FAM241A: variants seen among roughly 807,000 people sequenced by gnomAD.
FAM241A encodes the protein family with sequence similarity 241 member A.
Under a neutral mutation model 12.2 loss-of-function variants are expected in FAM241A, and 7 were observed. The observed-to-expected ratio is 0.58, with a 90% confidence interval of 0.33 to 1.08. The LOEUF (loss-of-function observed/expected upper bound fraction) is 1.08. Among genes scored for constraint, FAM241A ranks in the 50% least tolerant of loss-of-function variants. The pLI, the probability that FAM241A is intolerant of heterozygous loss-of-function variation, is 0.04. For synonymous variants in FAM241A, 74 were observed against 68.2 expected (o/e 1.08, Z -0.42); for missense variants, 161 against 169.7 (o/e 0.95, Z 0.29).
intron 1 of FAM241A, among the ~76,000 whole-genome samples, chr4:112,166,372 T>G (rs1360042130): frequency 6.6e-6 from 1 of 152,140 alleles, no homozygotes; most frequent in Non-Finnish European, 1.5e-5. Flanking sequence ...TAAAAGTACA[T>G]TTCTTAATGA....
chr4:112,192,422 T>G lies in FAM241A; in HGVS notation c.*5484T>G, dbSNP rs1578383230. ...CAGGTTAGTTACATATGTATACATG[T>G]GCCATGCTAGTGTGCTGCACCCATT... On this transcript the variant is annotated 3_prime_UTR_variant, in exon 2 of 2. Coordinates refer to ENST00000309733, the MANE Select transcript of FAM241A (RefSeq NM_152400.3). 1 of 152,044 alleles carries G rather than the reference T, an allele frequency of 6.6e-6. No homozygotes were observed. Among genetic ancestry groups the G allele is most frequent in the Non-Finnish European group, 1.5e-5 (1 of 68,014 alleles). 9.4% of individuals were successfully genotyped at this position (152,044 alleles called of 1,614,324 possible). A position where few individuals can be genotyped will look rare whatever the true frequency, so the allele number is the denominator to read the frequency against.
Position 112,186,786 on chromosome 4 carries a change from AT to A in FAM241A, c.248del (p.Ile83ThrfsTer14), listed in dbSNP as rs774334194. The A allele has an allele frequency of 1.1e-4, 178 of 1,614,008 alleles. No homozygotes were observed. The highest frequency in any genetic ancestry group is 1.5e-4 in the Non-Finnish European group (177 of 1,179,990). On this transcript the variant is annotated frameshift_variant, in exon 2 of 2. Transcript: ENST00000309733. LOFTEE classifies it high-confidence loss of function. ...TTTTGGTGAACTGAACAAAAACCTT[AT>A]CAACATGGGCTTCACAAGGATGTAT... Reference protein sequence around the residue: ...TLFGELNKNLINMGFTRMYFG... With the variant: ...TLFGELNKNLXNMGFTRMYFG...
rs888220240 is a variant in FAM241A at position 112,164,928 on chromosome 4, C to T, written c.153+19195C>T. Among the ~76,000 whole-genome samples, 19 of 152,140 alleles carry T rather than the reference C, an allele frequency of 1.2e-4. No homozygotes were observed. In the East Asian group the frequency reaches 2.5e-3, roughly 20 times the overall value. Reference sequence around the variant, plus strand: ...GAGTTTGAGACCAGCCTGGGCAATACGGTGAAACCCCATCTCTCCAAAAAA... The same window carrying T: ...GAGTTTGAGACCAGCCTGGGCAATATGGTGAAACCCCATCTCTCCAAAAAA... On this transcript the variant is annotated intron_variant, in intron 1 of 1. Coordinates refer to ENST00000309733, the MANE Select transcript of FAM241A (RefSeq NM_152400.3).
chr4:112,145,741 C>CG lies in FAM241A; in HGVS notation c.153+12dup. 1 of 1,018,380 alleles carries CG rather than the reference C, an allele frequency of 9.8e-7. No homozygotes were observed. The highest frequency in any genetic ancestry group is 1.2e-6 in the Non-Finnish European group (1 of 847,090). 63.1% of individuals were successfully genotyped at this position (1,018,380 alleles called of 1,614,324 possible). ...CCGAAGGAGAGCGAGCAGGTGAGCG[C>CG]GGGGAGGGGCGGCGGCGAAGCGGCC... is the stretch of plus-strand genomic sequence containing the variant. On this transcript the variant is annotated intron_variant, in intron 1 of 1. Transcript: ENST00000309733.
At chr4:112,178,266 T>A (rs1202273195) in intron 1 of FAM241A, among the ~76,000 whole-genome samples, 2 of 152,220 alleles carry the variant, frequency 1.3e-5, no homozygotes, top group African/African-American at 4.8e-5. Context: ...TGATTAAATT[T>A]AAGGACTTTG....
chr4:112,190,469 T>A lies in FAM241A; in HGVS notation c.*3531T>A, dbSNP rs1374227671. 1 of 149,744 alleles carries A rather than the reference T, an allele frequency of 6.7e-6. No individual in the cohort carries two copies. The highest frequency in any genetic ancestry group is 1.5e-5 in the Non-Finnish European group (1 of 67,780). 9.3% of individuals were successfully genotyped at this position (149,744 alleles called of 1,614,324 possible). A position where few individuals can be genotyped will look rare whatever the true frequency, so the allele number is the denominator to read the frequency against. Reference sequence around the variant, plus strand: ...GGGAGGCCGAAGCGGGCGGATCACCTGAGGTCGGGAGTTCGAGACTAGCCT... The same window carrying A: ...GGGAGGCCGAAGCGGGCGGATCACCAGAGGTCGGGAGTTCGAGACTAGCCT... On this transcript the variant is annotated 3_prime_UTR_variant, in exon 2 of 2. Coordinates refer to ENST00000309733, the MANE Select transcript of FAM241A (RefSeq NM_152400.3).
At position 112,187,585 on chromosome 4, in the gene FAM241A, T is replaced by C. The variant is rs1055636115; in HGVS notation, c.*647T>C. The stretch of plus-strand genomic sequence containing the variant: ...CAGGTTAAATATAACTTTTTTAAAA[T>C]GTAACATTTGGACCTAGACCTACTT... On this transcript the variant is annotated 3_prime_UTR_variant, in exon 2 of 2. Transcript: ENST00000309733. The C allele has an allele frequency of 6.6e-6, 1 of 152,608 alleles. No individual in the cohort carries two copies. The highest frequency in any genetic ancestry group is 2.4e-5 in the African/African-American group (1 of 41,448). 9.5% of individuals were successfully genotyped at this position (152,608 alleles called of 1,614,324 possible).
At chr4:112,163,663 T>A (rs1205554623) in intron 1 of FAM241A, among the ~76,000 whole-genome samples, 1 of 152,194 alleles carries the variant, frequency 6.6e-6, no homozygotes, top group Non-Finnish European at 1.5e-5. Context: ...AGGAAACAAC[T>A]GGTGCTGGAG....
intron 1 of FAM241A, among the ~76,000 whole-genome samples, chr4:112,172,689 C>T (rs1226514948): frequency 6.6e-6 from 1 of 152,016 alleles, no homozygotes; most frequent in Non-Finnish European, 1.5e-5. Flanking sequence ...GTTAGCTTCT[C>T]AAAGTTAAGG....
chr4:112,152,034 A>G (rs1205898547), intron 1 of FAM241A, among the ~76,000 whole-genome samples: 1 of 152,240 alleles, frequency 6.6e-6, no homozygotes, highest in African/African-American at 2.4e-5. Context: ...AATAAGTGCT[A>G]TGAGCTTAGT....
Position 112,169,973 on chromosome 4 carries a change from C to CT in FAM241A, c.154-16713dup, listed in dbSNP as rs559741906. Among the ~76,000 whole-genome samples, 257 of 152,036 alleles carry CT rather than the reference C, an allele frequency of 1.7e-3. 1 individual carries two copies. Among genetic ancestry groups the CT allele is most frequent in the African/African-American group, 6.0e-3 (248 of 41,484 alleles). The stretch of plus-strand genomic sequence containing the variant: ...GGTAACAAGGCATTTTTCAAAAAGC[C>CT]TTTTTTTGGAGAGGTTAAGTGGGAT... On this transcript the variant is annotated intron_variant, in intron 1 of 1. Transcript: ENST00000309733.
At chr4:112,149,268 A>G (rs981709041) in intron 1 of FAM241A, among the ~76,000 whole-genome samples, 1 of 152,124 alleles carries the variant, frequency 6.6e-6, no homozygotes, top group Non-Finnish European at 1.5e-5. Flanking sequence ...AGCCTCCCGA[A>G]GTACTGGGAT....
chr4:112,145,829 C>T, intron 1 of FAM241A, 96 bp downstream of exon 1: 1 of 759,160 alleles, frequency 1.3e-6, no homozygotes, highest in Non-Finnish European at 1.7e-6. Flanking sequence ...CGGGCCGCGC[C>T]GCAGCTCTGC....
At chr4:112,183,298 G>A (rs1470294360) in intron 1 of FAM241A, among the ~76,000 whole-genome samples, 2 of 149,172 alleles carry the variant, frequency 1.3e-5, no homozygotes, top group Non-Finnish European at 3.0e-5. Flanking sequence ...TAAAAAAAAA[G>A]AAGAAGAAGC....
intron 1 of FAM241A, among the ~76,000 whole-genome samples, chr4:112,159,379 G>A (rs1305601411): frequency 6.6e-6 from 1 of 152,134 alleles, no homozygotes; most frequent in African/African-American, 2.4e-5. Flanking sequence ...GGAAAGATAG[G>A]AGGAAAAAGT....
intron 1 of FAM241A, among the ~76,000 whole-genome samples, chr4:112,175,970 C>T (rs1449954598): frequency 6.6e-6 from 1 of 152,066 alleles, no homozygotes; most frequent in African/African-American, 2.4e-5. Flanking sequence ...TGCATTAACA[C>T]AACAACATGT....
intron 1 of FAM241A, among the ~76,000 whole-genome samples, chr4:112,154,225 C>G (rs775660737): frequency 6.6e-6 from 1 of 152,064 alleles, no homozygotes; most frequent in African/African-American, 2.4e-5. Flanking sequence ...TTGATTTTGA[C>G]TACTTTTTTC....
intron 1 of FAM241A, among the ~76,000 whole-genome samples, chr4:112,184,187 TCTCA>T (rs1452887845): frequency 2.6e-5 from 4 of 152,194 alleles, no homozygotes; most frequent in Admixed American, 6.5e-5. Context: ...ATTTTGTTCT[TCTCA>T]CTCTTTTTCT....
chr4:112,185,856 T>C (rs1724027784), intron 1 of FAM241A, among the ~76,000 whole-genome samples: 4 of 152,086 alleles, frequency 2.6e-5, no homozygotes, highest in Admixed American at 2.6e-4. Flanking sequence ...GTTGCTAGAG[T>C]GAGACTTAAC....
Sources: gnomAD v4.1 joint callset for allele counts (sites outside exome capture counted in the v4.1 genomes callset) on GRCh38, gnomAD v4.1.1 for gene constraint, MANE v1.5 for transcripts, NCBI Gene and HGNC (gene_info 2026-07-23, HGNC 2026-07-21) for gene names.